Variants in EBF1 observed in about 807,000 individuals in gnomAD.
The protein encoded by EBF1 is transcription factor COE1.
Under a neutral mutation model 68.4 loss-of-function variants are expected in EBF1, and 10 were observed. The ratio of observed to expected loss-of-function variants is 0.15; its 90% CI spans 0.09 to 0.25. EBF1 has a LOEUF of 0.25. Ranked by LOEUF, EBF1 falls within the 10% of genes least tolerant of loss-of-function variation. The probability of loss-of-function intolerance (pLI) is 1.00; values close to 1 mark genes in which losing one functional copy is unlikely to be tolerated. For synonymous variants in EBF1, 298 were observed against 299.8 expected (o/e 0.99, Z 0.06); for missense variants, 509 against 794.4 (o/e 0.64, Z 4.32).
intron 6 of EBF1, among the ~76,000 whole-genome samples, chr5:158,949,276 T>G (rs1815488274): frequency 6.6e-6 from 1 of 152,208 alleles, no homozygotes; most frequent in Non-Finnish European, 1.5e-5. Context: ...TTTCGAATTA[T>G]CATAGTTTCC....
At chr5:158,804,024 G>T (rs1451731160) in intron 8 of EBF1, among the ~76,000 whole-genome samples, 1 of 142,934 alleles carries the variant, frequency 7.0e-6, no homozygotes, top group Non-Finnish European at 1.5e-5. Flanking sequence ...ATGATACAGA[G>T]ATCTCTCCAT....
intron 6 of EBF1, among the ~76,000 whole-genome samples, chr5:159,039,887 G>A (rs370976144): frequency 5.3e-5 from 8 of 152,240 alleles, no homozygotes; most frequent in Middle Eastern, 3.4e-3. Flanking sequence ...ACACAGCTAG[G>A]TTTAAAATAT....
chr5:158,859,519 C>T (rs2128025567), intron 6 of EBF1, among the ~76,000 whole-genome samples: 1 of 152,332 alleles, frequency 6.6e-6, no homozygotes, highest in South Asian at 2.1e-4. Context: ...CTTCATTTGG[C>T]TGTGAACACC....
chr5:158,813,429 G>A (rs190646744), intron 8 of EBF1, among the ~76,000 whole-genome samples: 1 of 152,252 alleles, frequency 6.6e-6, no homozygotes, highest in Admixed American at 6.5e-5. Flanking sequence ...TGCAGGGTGA[G>A]AGCTACCTAA....
chr5:158,777,549 ACATTTGGGGGGAAAAATTGT>A lies in EBF1; in HGVS notation c.910-30_910-11del. On this transcript the variant is annotated splice_polypyrimidine_tract_variant and intron_variant, in intron 9 of 15. Coordinates refer to ENST00000313708, the MANE Select transcript of EBF1 (RefSeq NM_024007.5). ...CATGAGGAGTGATCAACTGGAGGAG[ACATTTGGGGGGAAAAATTGT>A]CATTGCAATAGTTAAAACTTCACAG... is the stretch of plus-strand genomic sequence containing the variant. 1 of 1,588,582 alleles carries A rather than the reference ACATTTGGGGGGAAAAATTGT, an allele frequency of 6.3e-7. No individual in the cohort carries two copies. Among genetic ancestry groups the A allele is most frequent in the South Asian group, 1.2e-5 (1 of 86,228 alleles).
intron 6 of EBF1, among the ~76,000 whole-genome samples, chr5:158,903,581 T>A (rs1038092345): frequency 6.6e-6 from 1 of 152,116 alleles, no homozygotes; most frequent in South Asian, 2.1e-4. Flanking sequence ...GATTTCTTTA[T>A]CTGCTATGTT....
chr5:158,756,399 T>C (rs1770109673), intron 10 of EBF1, among the ~76,000 whole-genome samples: 1 of 152,126 alleles, frequency 6.6e-6, no homozygotes, highest in African/African-American at 2.4e-5. Context: ...GTAAAATCAC[T>C]GAACTCTGTT....
chr5:159,020,587 G>A (rs1766490982), intron 6 of EBF1, among the ~76,000 whole-genome samples: 1 of 152,136 alleles, frequency 6.6e-6, no homozygotes, highest in Non-Finnish European at 1.5e-5. Flanking sequence ...ACGCTCTGTG[G>A]CCAAAATACC....
chr5:158,945,469 GA>G (rs1814447117), intron 6 of EBF1, among the ~76,000 whole-genome samples: 1 of 152,186 alleles, frequency 6.6e-6, no homozygotes. Context: ...ATTCCGAGTT[GA>G]AAATTCTTTA....
At chr5:158,790,061 C>T (rs2127724671) in intron 9 of EBF1, among the ~76,000 whole-genome samples, 2 of 152,318 alleles carry the variant, frequency 1.3e-5, no homozygotes, top group Admixed American at 1.3e-4. Context: ...TTTCTTTTGA[C>T]TTCATGCCCC....
At chr5:159,035,871 TCTC>T (rs1234396838) in intron 6 of EBF1, among the ~76,000 whole-genome samples, 1 of 152,186 alleles carries the variant, frequency 6.6e-6, no homozygotes, top group Admixed American at 6.5e-5. Context: ...TCCCTTAAAA[TCTC>T]CTTTTGGGGT....
chr5:158,779,040 A>G (rs186867284), intron 9 of EBF1, among the ~76,000 whole-genome samples: 1 of 152,256 alleles, frequency 6.6e-6, no homozygotes, highest in East Asian at 1.9e-4. Flanking sequence ...ATGTAGAGAG[A>G]ATAAGAAGAA....
At chr5:158,780,892 C>T (rs745412365) in intron 9 of EBF1, among the ~76,000 whole-genome samples, 19 of 152,102 alleles carry the variant, frequency 1.2e-4, no homozygotes, top group Non-Finnish European at 2.5e-4. Context: ...GGACCCATGC[C>T]CCATTACTTT....
At chr5:159,078,378 T>C (rs555055189) in intron 5 of EBF1, among the ~76,000 whole-genome samples, 2 of 152,318 alleles carry the variant, frequency 1.3e-5, no homozygotes, top group East Asian at 3.9e-4. Flanking sequence ...GGGCTCATAC[T>C]GAAACAATTC....
In EBF1 at chr5:158,769,533, G is replaced by A. The variant is rs547541228; in HGVS notation, c.1036+7880C>T. ...AAAATAATATGCTTCCTTCAGATCA[G>A]CTTTATTCTTTGCAGAAATGGCTCT... On this transcript the variant is annotated intron_variant, in intron 10 of 15. Transcript: ENST00000313708. Among the ~76,000 whole-genome samples, 4 of 152,260 alleles carry A rather than the reference G, an allele frequency of 2.6e-5. No individual in the cohort carries two copies. The South Asian group carries it at 8.3e-4, about 32-fold the overall frequency.
At chr5:158,958,624 C>T (rs1817587648) in intron 6 of EBF1, among the ~76,000 whole-genome samples, 1 of 152,116 alleles carries the variant, frequency 6.6e-6, no homozygotes, top group African/African-American at 2.4e-5. Flanking sequence ...CTGTTGCTCT[C>T]AGCATTTTCC....
At chr5:158,909,164 A>C (rs1384644894) in intron 6 of EBF1, among the ~76,000 whole-genome samples, 1 of 152,124 alleles carries the variant, frequency 6.6e-6, no homozygotes, top group Non-Finnish European at 1.5e-5. Flanking sequence ...AAGAACAGAA[A>C]TGTGAGATGT....
At chr5:159,046,137 A>T (rs1162842593) in intron 6 of EBF1, among the ~76,000 whole-genome samples, 2 of 152,148 alleles carry the variant, frequency 1.3e-5, no homozygotes, top group Non-Finnish European at 2.9e-5. Context: ...CTAGCTTTCC[A>T]TGACCCCCAC....
At position 158,840,658 on chromosome 5, in the gene EBF1, TTTTTTTTTTTTTTTG is replaced by T. The variant is rs1582434468; in HGVS notation, c.555-563_555-549del. On this transcript the variant is annotated intron_variant, in intron 6 of 15. Transcript: ENST00000313708. ...CAAATACCTCCTGTTTTTTTTTTTT[TTTTTTTTTTTTTTTG>T]TTTTTTTTTTTTTTTTGAGACGGAG... Among the ~76,000 whole-genome samples, 46 of 102,492 alleles carry T rather than the reference TTTTTTTTTTTTTTTG, an allele frequency of 4.5e-4. 1 individual carries two copies. The highest frequency in any genetic ancestry group is 2.3e-3 in the South Asian group (5 of 2,156). The allele number at this position is 102,492 out of a possible 152,430, so 67.2% of individuals were successfully genotyped here. A position where few individuals can be genotyped will look rare whatever the true frequency, so the allele number is the denominator to read the frequency against.
Sources: allele counts gnomAD v4.1 joint callset (sites outside exome capture counted in the v4.1 genomes callset), GRCh38; gene constraint gnomAD v4.1.1; transcripts MANE v1.5; gene names NCBI Gene and HGNC (gene_info 2026-07-23, HGNC 2026-07-21).